Variants in HIRA observed in about 807,000 individuals in gnomAD.
The protein encoded by HIRA is histone cell cycle regulator, also known as protein HIRA.
A neutral mutation model predicts 126.6 loss-of-function variants in HIRA; 13 were observed. The observed-to-expected ratio is 0.10, with a 90% confidence interval of 0.07 to 0.16. The LOEUF (loss-of-function observed/expected upper bound fraction) is 0.16. Among genes scored for constraint, HIRA ranks in the 10% least tolerant of loss-of-function variants. The pLI is 1.00. For synonymous variants in HIRA, 511 were observed against 520.0 expected (o/e 0.98, Z 0.24); for missense variants, 834 against 1,314.4 (o/e 0.63, Z 5.65).
intron 13 of HIRA, among the ~76,000 whole-genome samples, chr22:19,378,794 T>C (rs754584121): frequency 3.9e-5 from 6 of 152,230 alleles, no homozygotes; most frequent in Non-Finnish European, 7.3e-5. Flanking sequence ...ACATAATATA[T>C]GGGATAAATT....
chr22:19,384,842 A>G (rs2089111117), intron 12 of HIRA, among the ~76,000 whole-genome samples: 1 of 150,298 alleles, frequency 6.7e-6, no homozygotes, highest in African/African-American at 2.5e-5. Context: ...TTAAGTAGAG[A>G]CAAGGTTTCA....
At chr22:19,422,397 G>A (rs1283394263) in intron 1 of HIRA, among the ~76,000 whole-genome samples, 1 of 151,790 alleles carries the variant, frequency 6.6e-6, no homozygotes, top group Non-Finnish European at 1.5e-5. Flanking sequence ...CTGGTCTCCT[G>A]GCTCCTCCCT....
chr22:19,403,619 T>A (rs1217735412), intron 5 of HIRA, among the ~76,000 whole-genome samples: 1 of 152,112 alleles, frequency 6.6e-6, no homozygotes, highest in Non-Finnish European at 1.5e-5. Context: ...CTCAAGTAAA[T>A]AAATAAATAA....
At chr22:19,415,008 C>CA (rs1157783854) in intron 1 of HIRA, among the ~76,000 whole-genome samples, 3 of 152,104 alleles carry the variant, frequency 2.0e-5, no homozygotes, top group African/African-American at 7.2e-5. Context: ...TGCAGTAACG[C>CA]AATCTCAGCT....
chr22:19,390,704 C>CATCACCCA (rs2089172674), intron 9 of HIRA, among the ~76,000 whole-genome samples: 2 of 151,112 alleles, frequency 1.3e-5, no homozygotes, highest in African/African-American at 4.9e-5. Flanking sequence ...CCCATCACAG[C>CATCACCCA]ATCACCCAGG....
rs1556004456 is a variant in HIRA at position 19,331,213 on chromosome 22, T to A, written c.*227A>T. 1.4e-6 allele frequency: 2 copies of A among 1,455,886 alleles called. No homozygotes were observed. Among genetic ancestry groups the A allele is most frequent in the Admixed American group, 4.1e-5 (2 of 48,278 alleles). The allele number at this position is 1,455,886 out of a possible 1,614,324, so 90.2% of individuals were successfully genotyped here. On this transcript the variant is annotated 3_prime_UTR_variant, in exon 25 of 25. Transcript: ENST00000263208. ...GCAGAGCTCCAGCCCTAGCTCCGCA[T>A]CGGGGGCTTGGAGGGAGGGATGAGC...
chr22:19,374,388 A>G (rs769009024), intron 15 of HIRA, among the ~76,000 whole-genome samples: 9 of 152,120 alleles, frequency 5.9e-5, no homozygotes, highest in Non-Finnish European at 1.3e-4. Context: ...CCTGGCCTCA[A>G]GCGATCCTCC....
chr22:19,363,833 G>T (rs1036300326), intron 15 of HIRA, among the ~76,000 whole-genome samples: 2 of 152,190 alleles, frequency 1.3e-5, no homozygotes, highest in Non-Finnish European at 2.9e-5. Flanking sequence ...GGGAGGCGGA[G>T]GTTGCAGTGA....
intron 1 of HIRA, among the ~76,000 whole-genome samples, chr22:19,425,588 T>C (rs995542900): frequency 7.0e-6 from 1 of 143,680 alleles, no homozygotes; most frequent in Non-Finnish European, 1.5e-5. Flanking sequence ...GCTCATAAAG[T>C]GAAAATAGTT....
chr22:19,409,217 T>C (rs1249212453), intron 2 of HIRA, among the ~76,000 whole-genome samples: 3 of 152,060 alleles, frequency 2.0e-5, no homozygotes, highest in African/African-American at 7.2e-5. Flanking sequence ...GATTTAGGGC[T>C]CCCGTGGTCA....
intron 19 of HIRA, among the ~76,000 whole-genome samples, chr22:19,356,549 A>G (rs542207491): frequency 1.3e-5 from 2 of 152,348 alleles, no homozygotes; most frequent in South Asian, 4.1e-4. Flanking sequence ...AAGCCAGGCC[A>G]CAGCAGCCAC....
Position 19,378,030 on chromosome 22 carries a change from G to A in HIRA, c.1452C>T (p.Leu484=). 6.2e-7 allele frequency: 1 copy of A among 1,601,678 alleles called. No homozygotes were observed. Among genetic ancestry groups the A allele is most frequent in the Non-Finnish European group, 8.5e-7 (1 of 1,173,206 alleles). Residue 484 remains leucine (L), a synonymous_variant, in exon 14 of 25, where the codon CTC becomes CTT. Coordinates refer to ENST00000263208, the MANE Select transcript of HIRA (RefSeq NM_003325.4). ...GCATGGTGCCCGCCAGGGAGCCCGA[G>A]AGGGGGATGCTGTTAAAGAATGCCG... ...FSTAFFNSIP[L]SGSLAGTMLS...
intron 1 of HIRA, among the ~76,000 whole-genome samples, chr22:19,414,554 T>C (rs2089379957): frequency 6.6e-6 from 1 of 152,186 alleles, no homozygotes; most frequent in African/African-American, 2.4e-5. Flanking sequence ...CATATGTCCT[T>C]TTGGAATGAA....
intron 5 of HIRA, among the ~76,000 whole-genome samples, chr22:19,400,186 C>T (rs191322519): frequency 6.6e-5 from 10 of 152,272 alleles, no homozygotes; most frequent in Admixed American, 4.6e-4. Flanking sequence ...TTTGTGATTT[C>T]TTCTATTGCC....
intron 1 of HIRA, among the ~76,000 whole-genome samples, chr22:19,418,925 A>AACAC (rs66479451): frequency 0.03 from 4,452 of 149,954 alleles, 132 homozygotes; most frequent in South Asian, 0.12. Flanking sequence ...ATAAGAAATA[A>AACAC]ACACACACAC....
intron 4 of HIRA, among the ~76,000 whole-genome samples, chr22:19,406,335 T>C (rs1479881731): frequency 1.3e-5 from 2 of 152,246 alleles, no homozygotes; most frequent in East Asian, 3.8e-4. Flanking sequence ...ATGTTACTTA[T>C]GTTGGCTATT....
chr22:19,379,307 C>T (rs1273381063), intron 13 of HIRA, among the ~76,000 whole-genome samples: 11 of 151,174 alleles, frequency 7.3e-5, no homozygotes, highest in Admixed American at 1.3e-4. Context: ...CCACCGTGCC[C>T]GGCCGGCAGT....
intron 6 of HIRA, 61 bp downstream of exon 6, chr22:19,397,931 C>T: frequency 7.8e-7 from 1 of 1,285,594 alleles, no homozygotes; most frequent in Non-Finnish European, 1.1e-6. Context: ...AGCCCAACCC[C>T]TGCTCCAGAA....
At chr22:19,385,851 C>T in intron 11 of HIRA, 115 bp from the exon 12 acceptor site, 2 of 915,018 alleles carry the variant, frequency 2.2e-6, no homozygotes, top group Non-Finnish European at 3.4e-6. Context: ...AGAAGGGACC[C>T]AAGGCCAACT....
Sources: gnomAD v4.1 joint callset for allele counts (sites outside exome capture counted in the v4.1 genomes callset) on GRCh38, gnomAD v4.1.1 for gene constraint, MANE v1.5 for transcripts, NCBI Gene and HGNC (gene_info 2026-07-23, HGNC 2026-07-21) for gene names.